Variants in PCGF3 observed in about 807,000 individuals in gnomAD.
PCGF3 encodes polycomb group RING finger protein 3.
In PCGF3, 7 loss-of-function variants were observed where a neutral mutation model predicts 33.1. That is an observed-to-expected ratio of 0.21 (90% CI 0.12 to 0.40). The LOEUF is 0.40. Ranked by LOEUF, PCGF3 falls within the 10% of genes least tolerant of loss-of-function variation. The probability of loss-of-function intolerance (pLI) is 1.00; values close to 1 mark genes in which losing one functional copy is unlikely to be tolerated. For synonymous variants in PCGF3, 153 were observed against 121.3 expected (o/e 1.26, Z -1.72); for missense variants, 211 against 313.3 (o/e 0.67, Z 2.46).
intron 9 of PCGF3, chr4:761,924 G>C: frequency 1.0e-6 from 1 of 985,448 alleles, no homozygotes; most frequent in South Asian, 4.7e-5. Context: ...CATGGAGACA[G>C]AAGGCGCTGG....
rs1027588863 is a variant in PCGF3, at chr4:765,885, G to C, written c.682-147G>C. On this transcript the variant is annotated intron_variant, in intron 10 of 10. Coordinates refer to ENST00000362003, the Ensembl canonical transcript of PCGF3. ...CCAGCAACTTCTGGGGGACCCTTCT[G>C]TTGCTCAGAACAGAAGGGTCTCTGT... is the stretch of plus-strand genomic sequence containing the variant. 7 of 692,718 alleles carry C rather than the reference G, an allele frequency of 1.0e-5. No homozygotes were observed. In the African/African-American group the frequency reaches 1.2e-4, roughly 12 times the overall value. The allele number at this position is 692,718 out of a possible 1,614,324, so 42.9% of individuals were successfully genotyped here.
intron 9 of PCGF3, 187 bp downstream of exon 9, chr4:761,603 C>T (rs1182905818): frequency 1.8e-5 from 17 of 954,954 alleles, no homozygotes; most frequent in Non-Finnish European, 2.1e-5. Context: ...GTAGGATGCC[C>T]AGAGACAGGG....
intron 1 of PCGF3, among the ~76,000 whole-genome samples, chr4:718,172 G>A (rs1040814083): frequency 6.6e-5 from 10 of 152,154 alleles, no homozygotes; most frequent in Non-Finnish European, 7.4e-5. Context: ...GCCCACTGAC[G>A]TGCAGCCGTC....
In PCGF3 at chr4:734,884, G is replaced by A. The variant is rs746188934; in HGVS notation, c.110-47G>A. On this transcript the variant is annotated intron_variant, in intron 4 of 10. Coordinates refer to ENST00000362003, the Ensembl canonical transcript of PCGF3. ...AGTGGAGCACGCCGATGGGGTGGGC[G>A]CCCTGGCTCTAGACGCTCTCCTAAC... The A allele has an allele frequency of 7.5e-6, 12 of 1,592,990 alleles. No individual in the cohort carries two copies. In the East Asian group the frequency reaches 2.0e-4, roughly 27 times the overall value.
At chr4:758,585 C>G (rs1300595112) in intron 8 of PCGF3, among the ~76,000 whole-genome samples, 1 of 141,698 alleles carries the variant, frequency 7.1e-6, no homozygotes, top group Non-Finnish European at 1.5e-5. Context: ...CACGGCCCCT[C>G]CCCCGAGTTC....
chr4:711,633 A>G (rs1362829880), intron 1 of PCGF3, among the ~76,000 whole-genome samples: 1 of 147,044 alleles, frequency 6.8e-6, no homozygotes, highest in Non-Finnish European at 1.5e-5. Flanking sequence ...AATTTTTTGT[A>G]TTTTTAGTAG....
chr4:764,767 C>G (rs910638064), intron 9 of PCGF3: 2 of 530,274 alleles, frequency 3.8e-6, no homozygotes, highest in Non-Finnish European at 6.8e-6. Context: ...ATATGTTGCA[C>G]TGGATTTCCG....
chr4:733,877 C>T lies in PCGF3; in HGVS notation c.109+88C>T, dbSNP rs533273644. 55 of 1,605,708 alleles carry T rather than the reference C, an allele frequency of 3.4e-5. No individual in the cohort carries two copies. The African/African-American group carries it at 6.6e-4, about 19-fold the overall frequency. On this transcript the variant is annotated intron_variant, in intron 4 of 10. Transcript: ENST00000362003. The stretch of plus-strand genomic sequence containing the variant: ...ACCTTGGCTTTTGTGTTACCACACG[C>T]TTTTAGCTCAAGCCCGACAAAAGCA...
intron 4 of PCGF3, chr4:734,340 C>A: frequency 2.1e-6 from 3 of 1,438,040 alleles, no homozygotes; most frequent in Admixed American, 3.0e-5. Flanking sequence ...CTGGTGTGGA[C>A]GACCGCTGTG....
rs970539406 is a variant in PCGF3 at position 720,164 on chromosome 4, G to A, written c.-189-10466G>A. On this transcript the variant is annotated intron_variant, in intron 1 of 10. Transcript: ENST00000362003. This position sits in a 1 kb window ranked among gnomAD's most constrained non-coding sequence, Gnocchi z 5.6. ...CGTGCTGTCGCCTCATGAGGACGCC[G>A]ATGTGGCCCTGCTGCCGGAGTATGC... Among the ~76,000 whole-genome samples the A allele has an allele frequency of 2.0e-5, 3 of 152,308 alleles. No homozygotes were observed. Among genetic ancestry groups the A allele is most frequent in the Non-Finnish European group, 4.4e-5 (3 of 68,024 alleles).
At chr4:742,305 G>A (rs758032809) in intron 6 of PCGF3, among the ~76,000 whole-genome samples, 5 of 152,120 alleles carry the variant, frequency 3.3e-5, no homozygotes, top group African/African-American at 9.7e-5. Flanking sequence ...TGCCTCACGC[G>A]GGCATTGGTC....
intron 8 of PCGF3, among the ~76,000 whole-genome samples, chr4:758,153 G>A: frequency 7.7e-6 from 1 of 130,546 alleles, no homozygotes; most frequent in Non-Finnish European, 1.6e-5. Context: ...GCTACAGAGG[G>A]AGACTCTGTC....
chr4:765,891 C>T (rs1745342638), intron 10 of PCGF3, 141 bp from the exon 11 acceptor site: 8 of 714,300 alleles, frequency 1.1e-5, no homozygotes, highest in South Asian at 5.2e-5. Flanking sequence ...TTCTGTTGCT[C>T]AGAACAGAAG....
chr4:768,895 A>G (rs1281420583), exon 11 of PCGF3: 2 of 152,664 alleles, frequency 1.3e-5, no homozygotes, highest in East Asian at 1.9e-4. Flanking sequence ...CTTTTGTGCA[A>G]TAGGTTCCAA....
chr4:736,124 C>T (rs913160748), intron 5 of PCGF3, among the ~76,000 whole-genome samples: 8 of 151,910 alleles, frequency 5.3e-5, no homozygotes, highest in South Asian at 4.2e-4. Flanking sequence ...CTCAGCTCAC[C>T]GCAACCTCCA....
chr4:714,628 G>C (rs1322559390), intron 1 of PCGF3, among the ~76,000 whole-genome samples: 1 of 152,154 alleles, frequency 6.6e-6, no homozygotes, highest in Non-Finnish European at 1.5e-5. Flanking sequence ...ACCATGCCAG[G>C]TGAGACCCCC....
At chr4:767,238 T>C (rs58212655) in exon 11 of PCGF3, 13 of 152,190 alleles carry the variant, frequency 8.5e-5, no homozygotes, top group African/African-American at 2.9e-4. Flanking sequence ...TCAGCCTCAG[T>C]TGGTTGCACC....
At chr4:741,894 C>A (rs1301760177) in intron 6 of PCGF3, among the ~76,000 whole-genome samples, 2 of 152,152 alleles carry the variant, frequency 1.3e-5, no homozygotes, top group Non-Finnish European at 2.9e-5. Flanking sequence ...GCCTGTTGTT[C>A]CCGTCACGGC....
chr4:706,589 CAG>C (rs1742316747), intron 1 of PCGF3, among the ~76,000 whole-genome samples: 2 of 132,746 alleles, frequency 1.5e-5, no homozygotes, highest in East Asian at 2.5e-4. Flanking sequence ...CGCGGGAGGG[CAG>C]GGACCCCAGA....
Sources: allele counts gnomAD v4.1 joint callset (sites outside exome capture counted in the v4.1 genomes callset), GRCh38; gene constraint gnomAD v4.1.1; non-coding constraint Gnocchi (gnomAD v3.1); transcripts MANE v1.5; gene names NCBI Gene and HGNC (gene_info 2026-07-23, HGNC 2026-07-21).